TBC1D5: variants seen among roughly 807,000 people sequenced by gnomAD.
The protein encoded by TBC1D5 is TBC1 domain family member 5.
TBC1D5 carries 75 observed loss-of-function variants against 100.3 expected under a neutral mutation model. That is an observed-to-expected ratio of 0.75 (90% CI 0.62 to 0.91). The LOEUF (loss-of-function observed/expected upper bound fraction) is 0.91. TBC1D5 is among the 40% of genes least tolerant of loss of function. The pLI, the probability that TBC1D5 is intolerant of heterozygous loss-of-function variation, is 0.00. For synonymous variants in TBC1D5, 323 were observed against 325.6 expected, an observed-to-expected ratio of 0.99 and a Z score of 0.09; for missense variants, 910 against 942.4, an observed-to-expected ratio of 0.97 and a Z score of 0.45.
intron 19 of TBC1D5, among the ~76,000 whole-genome samples, chr3:17,175,892 C>G (rs1158756714): frequency 6.6e-6 from 1 of 152,210 alleles, no homozygotes; most frequent in Non-Finnish European, 1.5e-5. Context: ...CTGCACCTCC[C>G]CTGGCTCATA....
chr3:17,577,725 CTTAT>C lies in TBC1D5; in HGVS notation c.-36+46120_-36+46123del, dbSNP rs970954929. ...ACAAGGCATGTAATTTTACTTTTTGCTTATTTATTATGAAAGAGGTATAAAACAA... is the reference window on the plus strand; with the variant it reads ...ACAAGGCATGTAATTTTACTTTTTGCTTATTATGAAAGAGGTATAAAACAA... On this transcript the variant is annotated intron_variant, in intron 2 of 21. Transcript: ENST00000253692. 5.9e-5 allele frequency among the ~76,000 whole-genome samples: 9 copies of C among 151,884 alleles called. 1 individual carries two copies. In the South Asian group the frequency reaches 1.9e-3, roughly 32 times the overall value.
At chr3:17,205,076 T>C (rs1261171451) in intron 18 of TBC1D5, among the ~76,000 whole-genome samples, 1 of 152,234 alleles carries the variant, frequency 6.6e-6, no homozygotes, top group Non-Finnish European at 1.5e-5. Context: ...TAGATTAAAA[T>C]TACTATCATG....
At chr3:17,560,988 C>G (rs1227113906) in intron 2 of TBC1D5, among the ~76,000 whole-genome samples, 1 of 151,564 alleles carries the variant, frequency 6.6e-6, no homozygotes, top group Non-Finnish European at 1.5e-5. Context: ...TGTCTAGAGA[C>G]GCACACCTAA....
At chr3:17,227,045 A>C (rs1190122373) in intron 17 of TBC1D5, among the ~76,000 whole-genome samples, 2 of 152,184 alleles carry the variant, frequency 1.3e-5, no homozygotes, top group Admixed American at 1.3e-4. Context: ...AGCTCTTAAG[A>C]AACTCCCAAA....
At chr3:17,234,440 A>C (rs1466270565) in intron 17 of TBC1D5, among the ~76,000 whole-genome samples, 1 of 151,978 alleles carries the variant, frequency 6.6e-6, no homozygotes, top group Non-Finnish European at 1.5e-5. Flanking sequence ...GGAAAAAAAA[A>C]AAACCAAGTG....
chr3:17,262,532 AGTGCAGTG>A (rs2078413806), intron 15 of TBC1D5, among the ~76,000 whole-genome samples: 2 of 129,826 alleles, frequency 1.5e-5, no homozygotes, highest in African/African-American at 6.0e-5. Flanking sequence ...CCCAGGTTGG[AGTGCAGTG>A]GCGCGATCTC....
intron 2 of TBC1D5, among the ~76,000 whole-genome samples, chr3:17,541,164 A>G (rs928220884): frequency 6.6e-6 from 1 of 150,498 alleles, no homozygotes; most frequent in Non-Finnish European, 1.5e-5. Context: ...CAGTTTCCAT[A>G]TGAATTTAAG....
rs2074448778 is a variant in TBC1D5, at chr3:17,709,066, T to C, written c.-101+30277A>G. 4.6e-5 allele frequency among the ~76,000 whole-genome samples: 7 copies of C among 152,244 alleles called. No individual in the cohort carries two copies. The South Asian group carries it at 1.4e-3, about 31-fold the overall frequency. On this transcript the variant is annotated intron_variant, in intron 1 of 21. Transcript: ENST00000253692. ...TTTTCTTGGCATACATGCATATTAG[T>C]ATTAATATAATGAATTAATTCTAAC...
intron 19 of TBC1D5, among the ~76,000 whole-genome samples, chr3:17,184,154 T>A (rs2068748036): frequency 6.6e-6 from 1 of 152,212 alleles, no homozygotes; most frequent in African/African-American, 2.4e-5. Context: ...CAGCATAAAG[T>A]ATCTCTAATG....
At chr3:17,405,073 T>C (rs1032325166) in intron 5 of TBC1D5, 112 bp from the exon 6 acceptor site, 2 of 531,176 alleles carry the variant, frequency 3.8e-6, no homozygotes, top group Non-Finnish European at 6.7e-6. Context: ...TGATATTTCA[T>C]ATTCATATCA....
intron 2 of TBC1D5, among the ~76,000 whole-genome samples, chr3:17,575,671 C>A (rs1294408668): frequency 1.3e-5 from 2 of 152,056 alleles, no homozygotes; most frequent in East Asian, 3.9e-4. Flanking sequence ...TTCTTTATGT[C>A]ATGAGAACAT....
At chr3:17,566,800 C>G (rs2096596597) in intron 2 of TBC1D5, among the ~76,000 whole-genome samples, 2 of 151,730 alleles carry the variant, frequency 1.3e-5, no homozygotes, top group African/African-American at 4.8e-5. Flanking sequence ...AATAAACAAA[C>G]TTAGAAGGCC....
At chr3:17,487,248 T>A (rs1276342092) in intron 3 of TBC1D5, among the ~76,000 whole-genome samples, 1 of 152,182 alleles carries the variant, frequency 6.6e-6, no homozygotes, top group Admixed American at 6.6e-5. Flanking sequence ...TAATCTACTA[T>A]AAAAACTGAC....
intron 8 of TBC1D5, among the ~76,000 whole-genome samples, chr3:17,400,764 C>T (rs2093625002): frequency 6.6e-6 from 1 of 152,124 alleles, no homozygotes; most frequent in African/African-American, 2.4e-5. Flanking sequence ...GTGGAAAGAG[C>T]AGGCTTGCTG....
chr3:17,201,014 G>T (rs901653802), intron 18 of TBC1D5, among the ~76,000 whole-genome samples: 4 of 152,264 alleles, frequency 2.6e-5, no homozygotes, highest in African/African-American at 7.2e-5. Context: ...ATGGTCAAAA[G>T]AATTATTTGT....
At chr3:17,183,721 A>G (rs1459422236) in intron 19 of TBC1D5, among the ~76,000 whole-genome samples, 1 of 152,196 alleles carries the variant, frequency 6.6e-6, no homozygotes, top group Non-Finnish European at 1.5e-5. Context: ...GCATCTCTCC[A>G]AATCTTTTAA....
At chr3:17,520,942 G>A (rs550420906) in intron 2 of TBC1D5, among the ~76,000 whole-genome samples, 1 of 152,224 alleles carries the variant, frequency 6.6e-6, no homozygotes, top group South Asian at 2.1e-4. Context: ...GGAAAGACAT[G>A]TTTTTGCCAG....
At chr3:17,710,815 G>C (rs911135249) in intron 1 of TBC1D5, among the ~76,000 whole-genome samples, 3 of 151,582 alleles carry the variant, frequency 2.0e-5, no homozygotes, top group African/African-American at 7.3e-5. Context: ...CTCCTGCCTC[G>C]GCCTCCTGAG....
chr3:17,676,905 A>G (rs574500310), intron 1 of TBC1D5, among the ~76,000 whole-genome samples: 6 of 152,258 alleles, frequency 3.9e-5, no homozygotes, highest in African/African-American at 1.4e-4. Context: ...ATGGGGAAAC[A>G]ATTCCCTATT....
Sources: allele counts gnomAD v4.1 joint callset (sites outside exome capture counted in the v4.1 genomes callset), GRCh38; gene constraint gnomAD v4.1.1; transcripts MANE v1.5; gene names NCBI Gene and HGNC (gene_info 2026-07-23, HGNC 2026-07-21).